The following AK2 variants were observed in gnomAD, a reference collection of about 807,000 sequenced individuals.
AK2 encodes adenylate kinase 2, also known as adenylate kinase 2, mitochondrial.
In AK2, 15 loss-of-function variants were observed where a neutral mutation model predicts 24.6. The ratio of observed to expected loss-of-function variants is 0.61; its 90% CI spans 0.41 to 0.94. The LOEUF (loss-of-function observed/expected upper bound fraction) is 0.94, where lower values mean the gene tolerates loss of function less well. Among genes scored for constraint, AK2 ranks in the 40% least tolerant of loss-of-function variants. The pLI is 0.00. For synonymous variants in AK2, 102 were observed against 114.0 expected (o/e 0.90, Z 0.67); for missense variants, 257 against 304.1 (o/e 0.85, Z 1.15).
At chr1:33,029,949 C>T (rs1640135400) in intron 1 of AK2, among the ~76,000 whole-genome samples, 2 of 152,212 alleles carry the variant, frequency 1.3e-5, no homozygotes, top group African/African-American at 4.8e-5. Context: ...ACCTACCCTC[C>T]AAAACATACA....
In AK2 at chr1:33,009,637, C is replaced by A. The variant is rs1364207949; in HGVS notation, c.*3544G>T. ...CCTTTTTCAGCTGAGGAAACAGGAG[C>A]ACAGTGAATAACTAACTGGCTGGGA... On this transcript the variant is annotated 3_prime_UTR_variant, in exon 6 of 6. Coordinates refer to ENST00000672715, the MANE Select transcript of AK2 (RefSeq NM_001625.4). The A allele has an allele frequency of 2.2e-6, 1 of 454,100 alleles. No homozygotes were observed. 28.1% of individuals were successfully genotyped at this position (454,100 alleles called of 1,614,324 possible).
In AK2 at chr1:33,009,093, G is replaced by T. The variant is rs1245109873; in HGVS notation, c.*4088C>A. 4.4e-6 allele frequency: 2 copies of T among 453,890 alleles called. No individual in the cohort carries two copies. The highest frequency in any genetic ancestry group is 3.1e-5 in the South Asian group (2 of 64,472). 28.1% of individuals were successfully genotyped at this position (453,890 alleles called of 1,614,324 possible). A position where few individuals can be genotyped will look rare whatever the true frequency, so the allele number is the denominator to read the frequency against. The stretch of plus-strand genomic sequence containing the variant: ...TCTGCACAGGTGAGGAAGTGGAGCA[G>T]AAGAGGGAGGGGCTGGTTCAGGGAA... On this transcript the variant is annotated 3_prime_UTR_variant, in exon 6 of 6. Coordinates refer to ENST00000672715, the MANE Select transcript of AK2 (RefSeq NM_001625.4).
At chr1:33,019,388 G>A (rs920158044) in intron 4 of AK2, among the ~76,000 whole-genome samples, 3 of 152,112 alleles carry the variant, frequency 2.0e-5, no homozygotes, top group Admixed American at 6.6e-5. Flanking sequence ...CTGCTAATAC[G>A]TGCTTAGTGC....
At position 33,013,028 on chromosome 1, in the gene AK2, G is replaced by A; in HGVS notation, c.*153C>T. Reference sequence around the variant, plus strand: ...ACACACATACACACAGATGAGAGTAGCACACACGCCAAAGATACATCAAGC... The same window carrying A: ...ACACACATACACACAGATGAGAGTAACACACACGCCAAAGATACATCAAGC... On this transcript the variant is annotated 3_prime_UTR_variant, in exon 6 of 6. Transcript: ENST00000672715. 3.8e-6 allele frequency: 6 copies of A among 1,596,992 alleles called. No individual in the cohort carries two copies. Among genetic ancestry groups the A allele is most frequent in the Non-Finnish European group, 4.2e-6 (5 of 1,178,258 alleles).
chr1:33,007,971 T>G (rs1638579426), downstream of AK2: 1 of 452,424 alleles, frequency 2.2e-6, no homozygotes, highest in African/African-American at 2.0e-5. Flanking sequence ...AATGAGATAA[T>G]GCATGCAGAA....
At chr1:33,016,356 C>T (rs1477947834) in intron 4 of AK2, among the ~76,000 whole-genome samples, 2 of 151,866 alleles carry the variant, frequency 1.3e-5, no homozygotes, top group Non-Finnish European at 2.9e-5. Flanking sequence ...GGACTACAGG[C>T]GCCCACCACC....
At chr1:33,022,834 A>C (rs1196072697) in intron 2 of AK2, among the ~76,000 whole-genome samples, 1 of 152,198 alleles carries the variant, frequency 6.6e-6, no homozygotes, top group African/African-American at 2.4e-5. Flanking sequence ...ACTTGGGGAC[A>C]AAGTACACAC....
rs1638788365 is a variant in AK2 at position 33,011,025 on chromosome 1, T to C, written c.*2156A>G. 2 of 985,418 alleles carry C rather than the reference T, an allele frequency of 2.0e-6. No individual in the cohort carries two copies. The highest frequency in any genetic ancestry group is 2.4e-6 in the Non-Finnish European group (2 of 829,926). The allele number at this position is 985,418 out of a possible 1,614,324, so 61.0% of individuals were successfully genotyped here. On this transcript the variant is annotated 3_prime_UTR_variant, in exon 6 of 6. Coordinates refer to ENST00000672715, the MANE Select transcript of AK2 (RefSeq NM_001625.4). The stretch of plus-strand genomic sequence containing the variant: ...TGAAGCAAAAACAGAATCCTAACCA[T>C]ACTGAGAAGGGTATATGCATTCCCT...
At chr1:33,034,757 A>C (rs1640475212) in intron 1 of AK2, among the ~76,000 whole-genome samples, 1 of 152,240 alleles carries the variant, frequency 6.6e-6, no homozygotes, top group Non-Finnish European at 1.5e-5. Flanking sequence ...ATATGAGTTA[A>C]GAAAAAAATC....
chr1:33,017,765 A>AT (rs146395146), intron 4 of AK2, among the ~76,000 whole-genome samples: 1,874 of 152,028 alleles, frequency 0.012, 17 homozygotes, highest in African/African-American at 0.026. Context: ...CTTTATTTTT[A>AT]TTTTTTTGAG....
chr1:33,016,562 T>A (rs1410084364), intron 4 of AK2, among the ~76,000 whole-genome samples: 1 of 151,694 alleles, frequency 6.6e-6, no homozygotes, highest in African/African-American at 2.4e-5. Flanking sequence ...CAGGCTGGAG[T>A]GCAATGGCAA....
chr1:33,030,865 G>GTGGC (rs1265272282), intron 1 of AK2, among the ~76,000 whole-genome samples: 1 of 152,214 alleles, frequency 6.6e-6, no homozygotes, highest in Admixed American at 6.5e-5. Context: ...AAGAGCCTTA[G>GTGGC]TGGCTATCCT....
rs757805634 is a variant in AK2 at position 33,010,851 on chromosome 1, CA to C, written c.*2329del. 2 of 1,597,184 alleles carry C rather than the reference CA, an allele frequency of 1.3e-6. No homozygotes were observed. The highest frequency in any genetic ancestry group is 2.2e-5 in the South Asian group (2 of 90,442). ...ATACTAGGCTGAAATAGAGAGGAAACAAGAGAGAACAAAATGGGTTTTTAAA... is the reference window on the plus strand; with the variant it reads ...ATACTAGGCTGAAATAGAGAGGAAACAGAGAGAACAAAATGGGTTTTTAAA... On this transcript the variant is annotated 3_prime_UTR_variant, in exon 6 of 6. Transcript: ENST00000672715.
chr1:33,011,148 G>A lies in AK2; in HGVS notation c.*2033C>T. 1 of 1,377,370 alleles carries A rather than the reference G, an allele frequency of 7.3e-7. No homozygotes were observed. The highest frequency in any genetic ancestry group is 1.5e-5 in the South Asian group (1 of 68,374). 85.3% of individuals were successfully genotyped at this position (1,377,370 alleles called of 1,614,324 possible). ...GACGGATGACAAATATTTGGGCAAG[G>A]ATCATGCACATAAAATTAGCAAACA... On this transcript the variant is annotated 3_prime_UTR_variant, in exon 6 of 6. Transcript: ENST00000672715.
intron 1 of AK2, among the ~76,000 whole-genome samples, chr1:33,027,463 T>C (rs1032109892): frequency 5.3e-5 from 8 of 152,098 alleles, no homozygotes; most frequent in Admixed American, 3.3e-4. Flanking sequence ...AATTCCTGGC[T>C]GGGTATGGTG....
chr1:33,036,383 A>G (rs1423772719), intron 1 of AK2, among the ~76,000 whole-genome samples: 1 of 152,132 alleles, frequency 6.6e-6, no homozygotes, highest in East Asian at 1.9e-4. Flanking sequence ...CCTGGGCCAT[A>G]AAGCTAATTG....
At chr1:33,027,519 A>T (rs976703468) in intron 1 of AK2, among the ~76,000 whole-genome samples, 8 of 152,164 alleles carry the variant, frequency 5.3e-5, no homozygotes, top group African/African-American at 1.9e-4. Context: ...AGGCGGGTGG[A>T]TCACGAGGTC....
At chr1:33,025,459 C>T (rs1236614085) in intron 1 of AK2, among the ~76,000 whole-genome samples, 2 of 152,148 alleles carry the variant, frequency 1.3e-5, no homozygotes, top group African/African-American at 4.8e-5. Flanking sequence ...TGGTGGCCAC[C>T]TCACTTTTCA....
chr1:33,012,884 C>T lies in AK2; in HGVS notation c.*297G>A, dbSNP rs995782441. On this transcript the variant is annotated 3_prime_UTR_variant, in exon 6 of 6. Coordinates refer to ENST00000672715, the MANE Select transcript of AK2 (RefSeq NM_001625.4). ...CTGCACTCCAGCCAGGGTGGCAGAG[C>T]GAAACCTTGTCTCAAAACAACAACA... The T allele has an allele frequency of 1.3e-5, 18 of 1,336,818 alleles. No homozygotes were observed. Among genetic ancestry groups the T allele is most frequent in the Non-Finnish European group, 1.7e-5 (17 of 1,021,556 alleles). The allele number at this position is 1,336,818 out of a possible 1,614,324, so 82.8% of individuals were successfully genotyped here.
Sources: allele counts gnomAD v4.1 joint callset (sites outside exome capture counted in the v4.1 genomes callset), GRCh38; gene constraint gnomAD v4.1.1; transcripts MANE v1.5; gene names NCBI Gene and HGNC (gene_info 2026-07-23, HGNC 2026-07-21).